The following TGFBRAP1 variants were observed in gnomAD, a reference collection of about 807,000 sequenced individuals.
TGFBRAP1 encodes the protein transforming growth factor beta receptor associated protein 1, also known as transforming growth factor-beta receptor-associated protein 1.
In TGFBRAP1, 20 loss-of-function variants were observed where a neutral mutation model predicts 83.2. That is an observed-to-expected ratio of 0.24 (90% CI 0.17 to 0.35). The LOEUF (loss-of-function observed/expected upper bound fraction) is 0.35. Ranked by LOEUF, TGFBRAP1 falls within the 10% of genes least tolerant of loss-of-function variation. TGFBRAP1 has a pLI of 1.00. For synonymous variants in TGFBRAP1, 415 were observed against 459.8 expected, an observed-to-expected ratio of 0.90 and a Z score of 1.25; for missense variants, 950 against 1,099.4, an observed-to-expected ratio of 0.86 and a Z score of 1.92.
chr2:105,282,372 A>G (rs1677568569), intron 5 of TGFBRAP1, among the ~76,000 whole-genome samples: 1 of 152,262 alleles, frequency 6.6e-6, no homozygotes, highest in Non-Finnish European at 1.5e-5. Context: ...AGTTTCAACC[A>G]TAACTAGCTG....
At chr2:105,250,613 TCCTCTC>T in the TGFBRAP1 span, among the ~76,000 whole-genome samples, 60 of 102,052 alleles carry the variant, frequency 5.9e-4, no homozygotes, top group Non-Finnish European at 8.9e-4. Context: ...TCCCTCTCCC[TCCTCTC>T]CCTCTCCCTC....
chr2:105,269,442 T>A lies in TGFBRAP1; in HGVS notation c.2236A>T (p.Thr746Ser), dbSNP rs774184237. 6.2e-7 allele frequency: 1 copy of A among 1,613,812 alleles called. No homozygotes were observed. The highest frequency in any genetic ancestry group is 2.2e-5 in the East Asian group (1 of 44,854). The change falls in exon 11 of 12, where the codon ACC becomes TCC. Residue 746 changes from threonine to serine, a missense_variant. Transcript: ENST00000393359. This position sits in a 1 kb window ranked among gnomAD's most constrained non-coding sequence, Gnocchi z 4.1. ...AGCACCTGGGCTGCATCAAATTCGG[T>A]GGCGTGGCGGTTCAGCAGGTCCACG... is the stretch of plus-strand genomic sequence containing the variant. ...AAVDLLNRHA[T>S]EFDAAQVLQM...
intron 6 of TGFBRAP1, 67 bp downstream of exon 6, chr2:105,280,315 C>T: frequency 3.3e-6 from 5 of 1,520,094 alleles, no homozygotes; most frequent in Admixed American, 1.8e-5. Flanking sequence ...GAGGATCTCC[C>T]CAGCAAAGAG....
intron 1 of TGFBRAP1, among the ~76,000 whole-genome samples, chr2:105,310,569 T>C (rs144913709): frequency 1.3e-3 from 195 of 152,136 alleles, no homozygotes; most frequent in Non-Finnish European, 2.3e-3. Flanking sequence ...GAAGGAATCA[T>C]GTCCATCTAC....
chr2:105,318,582 G>T (rs1253057134), intron 1 of TGFBRAP1, among the ~76,000 whole-genome samples: 1 of 152,132 alleles, frequency 6.6e-6, no homozygotes, highest in African/African-American at 2.4e-5. Flanking sequence ...TATGTTCCTT[G>T]TTAAAAATTT....
rs1266563341 is a variant in TGFBRAP1, at chr2:105,308,135, ACTGGCCTCT to A, written c.158_166del (p.Glu53_Pro55del). On this transcript the variant is annotated inframe_deletion, in exon 2 of 12. Transcript: ENST00000393359. ...AGTGAACGTGGCTGGCCCAGCAGGC[ACTGGCCTCT>A]CCTCCAACAGGAAGTGGTAGACGAA... The A allele has an allele frequency of 1.9e-6, 3 of 1,614,048 alleles. No individual in the cohort carries two copies. In the African/African-American group the frequency reaches 4.0e-5, roughly 22 times the overall value.
chr2:105,283,028 A>G (rs554653862), intron 5 of TGFBRAP1, among the ~76,000 whole-genome samples: 57 of 152,162 alleles, frequency 3.7e-4, no homozygotes, highest in Non-Finnish European at 7.9e-4. Context: ...AATGTTTCAG[A>G]TTAACCCATA....
At position 105,298,611 on chromosome 2, in the gene TGFBRAP1, T is replaced by C; in HGVS notation, c.783A>G (p.Ile261Met). The C allele has an allele frequency of 6.2e-7, 1 of 1,614,116 alleles. No individual in the cohort carries two copies. Among genetic ancestry groups the C allele is most frequent in the Non-Finnish European group, 8.5e-7 (1 of 1,180,008 alleles). The change falls in exon 3 of 12, where the codon ATA becomes ATG. Residue 261 changes from isoleucine (I) to methionine (M), a missense_variant. Coordinates refer to ENST00000393359, the MANE Select transcript of TGFBRAP1 (RefSeq NM_004257.6). ...CTGTGATGAATTCGTCATCGAGCGC[T>C]ATGACGTATGGAAAGGACACAGCCG... The part of the protein sequence containing the change: ...IGAAVSFPYV[I>M]ALDDEFITVH...
chr2:105,269,619 C>G lies in TGFBRAP1; in HGVS notation c.2059G>C (p.Val687Leu). ...GCTGCAAAGTCCTGCAGCTCGTGCA[C>G]CAGGATATGCAGCGCCTTCTCATGC... ...GEHEKALHILVHELQDFAAAE... is the reference protein window; with the variant it reads ...GEHEKALHILLHELQDFAAAE... The change falls in exon 11 of 12, where the codon GTG becomes CTG. Residue 687 changes from valine to leucine, a missense_variant. Transcript: ENST00000393359. This position sits in a 1 kb window ranked among gnomAD's most constrained non-coding sequence, Gnocchi z 4.1. The G allele has an allele frequency of 6.2e-7, 1 of 1,606,146 alleles. No homozygotes were observed. The highest frequency in any genetic ancestry group is 1.1e-5 in the South Asian group (1 of 90,590).
intron 10 of TGFBRAP1, among the ~76,000 whole-genome samples, chr2:105,271,481 T>A (rs1677152833): frequency 6.6e-6 from 1 of 152,178 alleles, no homozygotes; most frequent in Non-Finnish European, 1.5e-5. Flanking sequence ...AAAGTCCTAA[T>A]GTAGGTGCAG....
intron 4 of TGFBRAP1, among the ~76,000 whole-genome samples, chr2:105,293,202 C>T (rs1355035597): frequency 6.6e-6 from 1 of 152,090 alleles, no homozygotes; most frequent in Non-Finnish European, 1.5e-5. Context: ...TCTATCGGAG[C>T]CCAAGCTTAA....
chr2:105,327,066 C>T (rs1274855135), intron 1 of TGFBRAP1, among the ~76,000 whole-genome samples: 2 of 152,176 alleles, frequency 1.3e-5, no homozygotes, highest in Non-Finnish European at 2.9e-5. Flanking sequence ...AAACACCTGG[C>T]TGCCACAAAT....
rs1676986231 is a variant in TGFBRAP1, at chr2:105,267,475, C to T, written c.2491G>A (p.Val831Ile). The T allele has an allele frequency of 1.9e-6, 3 of 1,614,184 alleles. No homozygotes were observed. In the African/African-American group the frequency reaches 4.0e-5, roughly 22 times the overall value. The change falls in exon 12 of 12, where the codon GTT (valine) becomes ATT (isoleucine). Residue 831 changes from valine to isoleucine, a missense_variant. Val to Ile is a conservative substitution (Grantham distance 29). Coordinates refer to ENST00000393359, the MANE Select transcript of TGFBRAP1 (RefSeq NM_004257.6). ...ACAAGACCACCATTTGGGTATCTAA[C>T]AAACACAGGCTCACAAAAGGGATTT... Reference protein sequence around the residue: ...CQNPFCEPVFVRYPNGGLVHT... With the variant: ...CQNPFCEPVFIRYPNGGLVHT...
chr2:105,298,444 T>C (rs1678157170), intron 3 of TGFBRAP1, 67 bp downstream of exon 3: 4 of 1,498,466 alleles, frequency 2.7e-6, no homozygotes, highest in Admixed American at 4.2e-5. Flanking sequence ...TCCTAAATGA[T>C]ATTTACCGAA....
At chr2:105,259,446 T>G (rs1489523176), downstream of TGFBRAP1, among the ~76,000 whole-genome samples, 1 of 152,182 alleles carries the variant, frequency 6.6e-6, no homozygotes, top group Non-Finnish European at 1.5e-5. Context: ...TCTCTGCACT[T>G]CCAGATGTCA....
intron 7 of TGFBRAP1, among the ~76,000 whole-genome samples, chr2:105,276,815 C>T (rs1268128231): frequency 6.6e-6 from 1 of 152,160 alleles, no homozygotes; most frequent in African/African-American, 2.4e-5. Flanking sequence ...AATCAGGTTA[C>T]CACAATAGTC....
intron 2 of TGFBRAP1, among the ~76,000 whole-genome samples, chr2:105,305,582 A>G (rs1177633352): frequency 6.6e-6 from 1 of 152,254 alleles, no homozygotes; most frequent in Non-Finnish European, 1.5e-5. Flanking sequence ...ATGACAGGAC[A>G]TAACAGAGAG....
chr2:105,277,756 C>T (rs1677398317), intron 6 of TGFBRAP1, 85 bp from the exon 7 acceptor site: 2 of 1,256,406 alleles, frequency 1.6e-6, no homozygotes, highest in Admixed American at 1.7e-5. Flanking sequence ...CCAGTCCAAG[C>T]TCCCCATATT....
Position 105,269,489 on chromosome 2 carries a change from G to A in TGFBRAP1, c.2189C>T (p.Ala730Val), listed in dbSNP as rs749002646. Residue 730 changes from alanine (A) to valine (V), a missense_variant, in exon 11 of 12, where the codon GCC becomes GTC. Transcript: ENST00000393359. The surrounding 1 kb of genome is among the most constrained non-coding windows in gnomAD (Gnocchi z 4.1). ...LAIYLHAGPT[A>V]HELAVAAVDL... ...CACGGCAGCCACGGCCAGCTCGTGG[G>A]CAGTGGGGCCAGCATGCAGGTAGAT... 6.2e-6 allele frequency: 10 copies of A among 1,613,358 alleles called. No homozygotes were observed. The highest frequency in any genetic ancestry group is 8.5e-6 in the Non-Finnish European group (10 of 1,179,810).
Sources: allele counts gnomAD v4.1 joint callset (sites outside exome capture counted in the v4.1 genomes callset), GRCh38; gene constraint gnomAD v4.1.1; non-coding constraint Gnocchi (gnomAD v3.1); transcripts MANE v1.5; gene names NCBI Gene and HGNC (gene_info 2026-07-23, HGNC 2026-07-21).